The following DAAM2 variants were observed in gnomAD, a reference collection of about 807,000 sequenced individuals.
DAAM2 encodes the protein dishevelled associated activator of morphogenesis 2, also known as disheveled-associated activator of morphogenesis 2.
DAAM2 carries 39 observed loss-of-function variants against 120.7 expected under a neutral mutation model. That is an observed-to-expected ratio of 0.32 (90% CI 0.25 to 0.42). The LOEUF (loss-of-function observed/expected upper bound fraction) is 0.42. DAAM2 is among the 10% of genes least tolerant of loss of function. The pLI is 1.00. For synonymous variants in DAAM2, 488 were observed against 524.9 expected (o/e 0.93, Z 0.96); for missense variants, 1,283 against 1,401.7 (o/e 0.92, Z 1.35).
intron 1 of DAAM2, among the ~76,000 whole-genome samples, chr6:39,797,173 A>G (rs1330071427): frequency 6.6e-6 from 1 of 152,124 alleles, no homozygotes; most frequent in Admixed American, 6.5e-5. Context: ...TAGCTCACTC[A>G]CCCATGAATT....
chr6:39,798,490 C>T (rs1402476003), intron 1 of DAAM2, among the ~76,000 whole-genome samples: 1 of 152,160 alleles, frequency 6.6e-6, no homozygotes, highest in African/African-American at 2.4e-5. Context: ...AAAAAATAGG[C>T]AGTCAGTAAG....
At chr6:39,834,521 T>C (rs1227328512) in intron 1 of DAAM2, among the ~76,000 whole-genome samples, 1 of 152,196 alleles carries the variant, frequency 6.6e-6, no homozygotes, top group Admixed American at 6.5e-5. Flanking sequence ...CCCTTTTCTG[T>C]CTGCTAGTAG....
At chr6:39,863,223 C>T (rs1016073459) in intron 3 of DAAM2, among the ~76,000 whole-genome samples, 11 of 151,848 alleles carry the variant, frequency 7.2e-5, no homozygotes, top group Non-Finnish European at 1.0e-4. Context: ...GGGTAAATGA[C>T]GAGCCAGCAA....
In DAAM2 at chr6:39,846,794, A is replaced by G. The variant is rs1349908453; in HGVS notation, c.-56-9453A>G. On this transcript the variant is annotated intron_variant, in intron 1 of 24. Transcript: ENST00000274867. ...CTCTCTTCCCAACCAAACTGAACTC[A>G]TGCTTATTTTACATTTTTACAGCTC... 4.0e-5 allele frequency among the ~76,000 whole-genome samples: 6 copies of G among 151,172 alleles called. No homozygotes were observed. In the South Asian group the frequency reaches 1.3e-3, roughly 32 times the overall value.
At chr6:39,807,043 A>G (rs1762029493) in intron 1 of DAAM2, among the ~76,000 whole-genome samples, 1 of 152,174 alleles carries the variant, frequency 6.6e-6, no homozygotes, top group African/African-American at 2.4e-5. Context: ...AGTCTAATAC[A>G]TATGGAAAGA....
chr6:39,866,537 C>T (rs1273911469), intron 5 of DAAM2, among the ~76,000 whole-genome samples: 1 of 152,152 alleles, frequency 6.6e-6, no homozygotes, highest in Non-Finnish European at 1.5e-5. Context: ...TGTGTGTGGG[C>T]ATGCCATGGA....
intron 4 of DAAM2, 48 bp from the exon 5 acceptor site, chr6:39,864,932 G>A (rs1257000922): frequency 1.3e-6 from 2 of 1,562,944 alleles, no homozygotes; most frequent in East Asian, 4.8e-5. Context: ...GAGCTGTAGT[G>A]CAGAGGGTTG....
chr6:39,862,422 T>C (rs1393482294), intron 3 of DAAM2: 1 of 152,130 alleles, frequency 6.6e-6, no homozygotes, highest in African/African-American at 2.4e-5. Flanking sequence ...ATTAATCATA[T>C]CTCATGATTC....
At chr6:39,830,412 G>A (rs1762836254) in intron 1 of DAAM2, among the ~76,000 whole-genome samples, 1 of 152,144 alleles carries the variant, frequency 6.6e-6, no homozygotes. Context: ...CCCTCCCAGG[G>A]AGGGAGGCAG....
chr6:39,863,311 T>A (rs1308595725), intron 3 of DAAM2, among the ~76,000 whole-genome samples: 1 of 152,206 alleles, frequency 6.6e-6, no homozygotes, highest in Non-Finnish European at 1.5e-5. Flanking sequence ...GCAGAATGTT[T>A]GGCCTTCAGT....
intron 1 of DAAM2, among the ~76,000 whole-genome samples, chr6:39,801,508 G>A (rs1450715807): frequency 2.0e-5 from 3 of 152,156 alleles, no homozygotes; most frequent in Non-Finnish European, 4.4e-5. Context: ...TATGAAGGGG[G>A]TGGTCCCAAG....
intron 2 of DAAM2, 76 bp downstream of exon 2, chr6:39,856,546 G>A: frequency 8.3e-7 from 1 of 1,201,154 alleles, no homozygotes; most frequent in Admixed American, 4.0e-5. Flanking sequence ...ACAGAGGGCA[G>A]GGCCCCTGTG....
At chr6:39,897,826 C>G (rs1251261293) in intron 21 of DAAM2, among the ~76,000 whole-genome samples, 1 of 152,166 alleles carries the variant, frequency 6.6e-6, no homozygotes, top group Non-Finnish European at 1.5e-5. Flanking sequence ...GGGAAAGTCC[C>G]TACTGCAGAT....
At chr6:39,843,572 G>C (rs1763438249) in intron 1 of DAAM2, among the ~76,000 whole-genome samples, 1 of 152,230 alleles carries the variant, frequency 6.6e-6, no homozygotes. Context: ...TGCGGGCCCA[G>C]CACAAAATGA....
Position 39,904,467 on chromosome 6 carries a change from C to CA in DAAM2, c.*2430_*2431insA, listed in dbSNP as rs1253963240. On this transcript the variant is annotated 3_prime_UTR_variant, in exon 25 of 25. Transcript: ENST00000274867. The stretch of plus-strand genomic sequence containing the variant: ...TCTTGCTTTCTTCATGCCCTCCCCA[C>CA]TGCTCCTGCCACCTTTAGATAAGTT... The CA allele has an allele frequency of 2.2e-6, 1 of 454,596 alleles. No individual in the cohort carries two copies. Among genetic ancestry groups the CA allele is most frequent in the South Asian group, 1.6e-5 (1 of 64,478 alleles). 28.2% of individuals were successfully genotyped at this position (454,596 alleles called of 1,614,324 possible).
intron 19 of DAAM2, among the ~76,000 whole-genome samples, chr6:39,892,661 A>G (rs2149361053): frequency 6.6e-6 from 1 of 152,104 alleles, no homozygotes; most frequent in East Asian, 1.9e-4. Flanking sequence ...GCCTGTTTCC[A>G]GGATGTTGAG....
rs866294376 is a variant in DAAM2, at chr6:39,803,762, G to T, written c.-57+11297G>T. On this transcript the variant is annotated intron_variant, in intron 1 of 24. Coordinates refer to ENST00000274867, the MANE Select transcript of DAAM2 (RefSeq NM_001201427.2). ...TCCCCCTAGAACCTGTGCAGGCTGT[G>T]GGGTGGGGGCTGTGAGGAGAAGTCC... Among the ~76,000 whole-genome samples, 5 of 152,294 alleles carry T rather than the reference G, an allele frequency of 3.3e-5. 1 individual carries two copies. The South Asian group carries it at 8.3e-4, about 25-fold the overall frequency.
chr6:39,899,804 T>A, intron 22 of DAAM2: 1 of 315,186 alleles, frequency 3.2e-6, no homozygotes, highest in Non-Finnish European at 6.0e-6. Flanking sequence ...CCTGTGGGTC[T>A]GAGAGTCTGT....
chr6:39,873,306 G>A lies in DAAM2; in HGVS notation c.1113G>A (p.Glu371=). 6.2e-7 allele frequency: 1 copy of A among 1,613,680 alleles called. No homozygotes were observed. The highest frequency in any genetic ancestry group is 8.5e-7 in the Non-Finnish European group (1 of 1,179,810). ...TCCACAAGAAGCTGAAGTACACGGA[G>A]GCCTACCCCTGCCTGCTCTCTGTGC... ...ELIHKKLKYT[E]AYPCLLSVLH... is the part of the protein sequence containing the mutation. The change falls in exon 10 of 25, where the codon GAG becomes GAA. Residue 371 remains glutamate (E), a synonymous_variant. Coordinates refer to ENST00000274867, the MANE Select transcript of DAAM2 (RefSeq NM_001201427.2).
Sources: allele counts gnomAD v4.1 joint callset (sites outside exome capture counted in the v4.1 genomes callset), GRCh38; gene constraint gnomAD v4.1.1; transcripts MANE v1.5; gene names NCBI Gene and HGNC (gene_info 2026-07-23, HGNC 2026-07-21).